Variants in TBC1D32 observed in about 807,000 individuals in gnomAD.
TBC1D32 encodes TBC1 domain family member 32.
Under a neutral mutation model 170.3 loss-of-function variants are expected in TBC1D32, and 151 were observed. The observed-to-expected ratio is 0.89, with a 90% confidence interval of 0.78 to 1.01. TBC1D32 has a LOEUF of 1.01. TBC1D32 is among the 50% of genes least tolerant of loss of function. The pLI is 0.00. For missense variants in TBC1D32, 1,464 were observed against 1,457.1 expected, an observed-to-expected ratio of 1.00 and a Z score of -0.08; for synonymous variants, 498 against 488.0, an observed-to-expected ratio of 1.02 and a Z score of -0.27.
chr6:121,160,856 A>C, intron 23 of TBC1D32, 92 bp downstream of exon 23: 2 of 890,934 alleles, frequency 2.2e-6, no homozygotes, highest in African/African-American at 1.7e-5. Context: ...GTAGACATTT[A>C]AGAGGTAAAG....
rs143740326 is a variant in TBC1D32, at chr6:121,084,477, A to G, written c.3655-3587T>C. ...GATCACACTACAGACATATGATGTT[A>G]GGCATGGGTTGGCCTATCATGGATT... On this transcript the variant is annotated intron_variant, in intron 31 of 31. Transcript: ENST00000398212. Among the ~76,000 whole-genome samples, 3 of 152,220 alleles carry G rather than the reference A, an allele frequency of 2.0e-5. 1 individual carries two copies. The highest frequency in any genetic ancestry group is 7.2e-5 in the African/African-American group (3 of 41,566).
chr6:121,253,746 T>C (rs1439322720), intron 17 of TBC1D32, among the ~76,000 whole-genome samples: 1 of 151,626 alleles, frequency 6.6e-6, no homozygotes, highest in African/African-American at 2.4e-5. Flanking sequence ...AAACAATAGA[T>C]GTTGGTATGC....
intron 20 of TBC1D32, among the ~76,000 whole-genome samples, chr6:121,228,370 T>C (rs902448282): frequency 6.6e-6 from 1 of 152,130 alleles, no homozygotes; most frequent in African/African-American, 2.4e-5. Context: ...TCAGTAATTT[T>C]AGATCCTTCT....
chr6:121,225,895 G>C (rs995061477), intron 20 of TBC1D32, among the ~76,000 whole-genome samples: 1 of 152,032 alleles, frequency 6.6e-6, no homozygotes, highest in Non-Finnish European at 1.5e-5. Flanking sequence ...ATAAGATGTT[G>C]CTAATATCAG....
intron 29 of TBC1D32, among the ~76,000 whole-genome samples, chr6:121,110,593 T>A (rs556196790): frequency 1.3e-5 from 2 of 152,124 alleles, no homozygotes; most frequent in Non-Finnish European, 2.9e-5. Context: ...CCAATGTGTC[T>A]GTCACCATGC....
intron 10 of TBC1D32, among the ~76,000 whole-genome samples, chr6:121,296,598 A>C (rs1443520306): frequency 1.3e-5 from 2 of 152,030 alleles, no homozygotes; most frequent in Non-Finnish European, 2.9e-5. Flanking sequence ...CTACATTCTA[A>C]ATAAAGTATT....
rs113822262 is a variant in TBC1D32 at position 121,154,384 on chromosome 6, C to T, written c.2773+5626G>A. On this transcript the variant is annotated intron_variant, in intron 24 of 31. Transcript: ENST00000398212. ...CTCAGTTGGAAGTGCAGAAATCACC[C>T]GCCTTCTGCATTGGTCTCACTGGGA... is the stretch of plus-strand genomic sequence containing the variant. 9.0e-3 allele frequency among the ~76,000 whole-genome samples: 1,367 copies of T among 152,266 alleles called. 11 individuals are homozygous for T. Among genetic ancestry groups the T allele is most frequent in the South Asian group, 0.041 (198 of 4,826 alleles).
intron 21 of TBC1D32, among the ~76,000 whole-genome samples, chr6:121,213,817 A>T (rs1793465450): frequency 6.6e-6 from 1 of 152,198 alleles, no homozygotes; most frequent in Non-Finnish European, 1.5e-5. Context: ...ATGAAACCAA[A>T]AAAGAGCCTG....
Position 121,303,641 on chromosome 6 carries a change from C to A in TBC1D32, c.1056G>T (p.Lys352Asn). Residue 352 changes from lysine to asparagine, a missense_variant, in exon 9 of 32, where the codon AAG becomes AAT. Transcript: ENST00000398212. ...PIYFFALVDT[K>N]AVWFKKWMHA... The stretch of plus-strand genomic sequence containing the variant: ...CCATCCACTTTTTGAACCACACAGC[C>A]TTGGTATCAACTAATGCAAAAAAGT... 6.3e-7 allele frequency: 1 copy of A among 1,584,008 alleles called. No individual in the cohort carries two copies. The highest frequency in any genetic ancestry group is 8.6e-7 in the Non-Finnish European group (1 of 1,160,422).
chr6:121,219,366 T>A (rs1364038341), intron 21 of TBC1D32, among the ~76,000 whole-genome samples: 1 of 152,150 alleles, frequency 6.6e-6, no homozygotes, highest in Non-Finnish European at 1.5e-5. Context: ...AACAGAATAA[T>A]ATAACTGCAG....
chr6:121,138,053 T>C (rs1782335232), intron 24 of TBC1D32, among the ~76,000 whole-genome samples: 2 of 152,146 alleles, frequency 1.3e-5, no homozygotes, highest in South Asian at 4.1e-4. Flanking sequence ...TTTAGATTAA[T>C]GCAGTCAGCA....
intron 30 of TBC1D32, among the ~76,000 whole-genome samples, chr6:121,103,356 T>C (rs995577010): frequency 6.6e-6 from 1 of 151,718 alleles, no homozygotes; most frequent in Non-Finnish European, 1.5e-5. Flanking sequence ...AATGATAGAC[T>C]CGATTAGGAA....
At chr6:121,288,598 T>G (rs1804284188) in intron 12 of TBC1D32, among the ~76,000 whole-genome samples, 1 of 152,176 alleles carries the variant, frequency 6.6e-6, no homozygotes, top group Admixed American at 6.5e-5. Flanking sequence ...GTACCATTCC[T>G]TCTAAAACTA....
At chr6:121,274,887 G>C (rs1802012369) in intron 15 of TBC1D32, among the ~76,000 whole-genome samples, 1 of 152,032 alleles carries the variant, frequency 6.6e-6, no homozygotes, top group South Asian at 2.1e-4. Flanking sequence ...TGCTGAGAGA[G>C]GATTTAGTCA....
At position 121,223,263 on chromosome 6, in the gene TBC1D32, A is replaced by G. The variant is rs534302964; in HGVS notation, c.2454T>C (p.Ser818=). ...NQDLPNKTEY[S]LREVPTCVID... ...TAACACATGTTGGGACTTCACGAAGAGAATATTCTGTTTTATTAGGAAGAT... is the reference window on the plus strand; with the variant it reads ...TAACACATGTTGGGACTTCACGAAGGGAATATTCTGTTTTATTAGGAAGAT... The change falls in exon 21 of 32, where the codon TCT becomes TCC. Residue 818 remains serine, a synonymous_variant. Transcript: ENST00000398212. 12 of 1,580,136 alleles carry G rather than the reference A, an allele frequency of 7.6e-6. No individual in the cohort carries two copies. The East Asian group carries it at 2.3e-4, about 31-fold the overall frequency.
chr6:121,306,338 T>C (rs73767204), intron 5 of TBC1D32, among the ~76,000 whole-genome samples: 6 of 152,278 alleles, frequency 3.9e-5, no homozygotes, highest in African/African-American at 1.4e-4. Context: ...ACAAACATAT[T>C]GCGATACCTT....
At chr6:121,175,227 T>G (rs971364586) in intron 22 of TBC1D32, among the ~76,000 whole-genome samples, 2 of 152,120 alleles carry the variant, frequency 1.3e-5, no homozygotes, top group Admixed American at 1.3e-4. Flanking sequence ...AACCACTGAA[T>G]AGATAATGAA....
chr6:121,085,338 TATATATACATAC>T (rs1776131965), intron 31 of TBC1D32, among the ~76,000 whole-genome samples: 1 of 130,784 alleles, frequency 7.6e-6, no homozygotes, highest in Admixed American at 7.9e-5. Context: ...TATACATACA[TATATATACATAC>T]ATATATATAC....
intron 30 of TBC1D32, among the ~76,000 whole-genome samples, chr6:121,092,291 ATGTTTTTTTTTTTT>A (rs1284700515): frequency 9.5e-4 from 25 of 26,398 alleles, no homozygotes; most frequent in African/African-American, 2.7e-3. Flanking sequence ...CTTCAGTTTT[ATGTTTTTTTTTTTT>A]TTTTTTTTTT....
Sources: allele counts gnomAD v4.1 joint callset (sites outside exome capture counted in the v4.1 genomes callset), GRCh38; gene constraint gnomAD v4.1.1; transcripts MANE v1.5; gene names NCBI Gene and HGNC (gene_info 2026-07-23, HGNC 2026-07-21).